ZNRF3: variants seen among roughly 807,000 people sequenced by gnomAD.
The protein encoded by ZNRF3 is zinc and ring finger 3.
A neutral mutation model predicts 72.5 loss-of-function variants in ZNRF3; 23 were observed. The ratio of observed to expected loss-of-function variants is 0.32; its 90% CI spans 0.23 to 0.45. ZNRF3 has a LOEUF of 0.45. Ranked by LOEUF, ZNRF3 falls within the 20% of genes least tolerant of loss-of-function variation. The pLI is 1.00. For synonymous variants in ZNRF3, 610 were observed against 545.3 expected (o/e 1.12, Z -1.65); for missense variants, 1,169 against 1,272.1 (o/e 0.92, Z 1.23).
intron 1 of ZNRF3, among the ~76,000 whole-genome samples, chr22:28,925,937 C>T (rs925235284): frequency 6.6e-5 from 10 of 152,196 alleles, no homozygotes; most frequent in African/African-American, 2.4e-4. Flanking sequence ...CTCTCCCTAT[C>T]TACTGCCTCC....
intron 2 of ZNRF3, among the ~76,000 whole-genome samples, chr22:29,019,632 T>A (rs1461469354): frequency 1.3e-5 from 2 of 152,160 alleles, no homozygotes; most frequent in African/African-American, 4.8e-5. Flanking sequence ...GCAATTAACA[T>A]CTTAGTGCCA....
At chr22:29,022,284 A>G (rs184987156) in intron 2 of ZNRF3, among the ~76,000 whole-genome samples, 1 of 152,318 alleles carries the variant, frequency 6.6e-6, no homozygotes, top group Admixed American at 6.5e-5. Flanking sequence ...ACATTAACCA[A>G]CTAATGGCAG....
chr22:28,917,719 A>G (rs1184508321), intron 1 of ZNRF3, among the ~76,000 whole-genome samples: 1 of 152,198 alleles, frequency 6.6e-6, no homozygotes, highest in Non-Finnish European at 1.5e-5. Context: ...TAGGGTCTTT[A>G]TCTTCCCTCA....
At chr22:28,940,556 A>G (rs556501511) in intron 1 of ZNRF3, among the ~76,000 whole-genome samples, 6 of 145,388 alleles carry the variant, frequency 4.1e-5, no homozygotes, top group Non-Finnish European at 7.5e-5. Flanking sequence ...CCAACGATTT[A>G]GAAAACTTAA....
chr22:28,978,365 T>C (rs2035710287), intron 1 of ZNRF3, among the ~76,000 whole-genome samples: 1 of 152,098 alleles, frequency 6.6e-6, no homozygotes, highest in Non-Finnish European at 1.5e-5. Flanking sequence ...TTGCGAAGGG[T>C]GGTGAAAGCT....
intron 4 of ZNRF3, among the ~76,000 whole-genome samples, chr22:29,044,477 CCTTT>C: frequency 6.6e-6 from 1 of 152,232 alleles, no homozygotes. Flanking sequence ...TTTGGAAGGG[CCTTT>C]CTTACCAGTT....
intron 2 of ZNRF3, among the ~76,000 whole-genome samples, chr22:29,028,999 C>T (rs550676246): frequency 2.0e-4 from 31 of 152,322 alleles, no homozygotes; most frequent in Non-Finnish European, 3.8e-4. Context: ...TCTTCTAGGA[C>T]CATCCTCCTG....
At chr22:29,001,014 C>T (rs1290398946) in intron 2 of ZNRF3, among the ~76,000 whole-genome samples, 1 of 149,588 alleles carries the variant, frequency 6.7e-6, no homozygotes, top group Admixed American at 6.7e-5. Flanking sequence ...TGGTCACCAA[C>T]TCCTGGCCTC....
intron 1 of ZNRF3, among the ~76,000 whole-genome samples, chr22:28,940,042 A>G (rs929314700): frequency 6.6e-6 from 1 of 152,130 alleles, no homozygotes; most frequent in Non-Finnish European, 1.5e-5. Flanking sequence ...TTTTCCCCCA[A>G]CTTAGAAAAG....
At chr22:28,968,510 G>A (rs1037038241) in intron 1 of ZNRF3, among the ~76,000 whole-genome samples, 1 of 152,146 alleles carries the variant, frequency 6.6e-6, no homozygotes, top group African/African-American at 2.4e-5. Flanking sequence ...AGGAGTTCAA[G>A]ACCAGTCTGG....
At chr22:29,038,087 G>T (rs2036896297) in intron 2 of ZNRF3, among the ~76,000 whole-genome samples, 1 of 152,234 alleles carries the variant, frequency 6.6e-6, no homozygotes. Flanking sequence ...CTTTGAAAGG[G>T]CCCCAGCTTC....
At chr22:28,949,035 A>G (rs1384905124) in intron 1 of ZNRF3, among the ~76,000 whole-genome samples, 1 of 152,186 alleles carries the variant, frequency 6.6e-6, no homozygotes, top group African/African-American at 2.4e-5. Flanking sequence ...GCTGGAGTGC[A>G]ATGGCGTGAT....
intron 2 of ZNRF3, among the ~76,000 whole-genome samples, chr22:28,995,709 A>T (rs2036035195): frequency 6.6e-6 from 1 of 152,068 alleles, no homozygotes; most frequent in Admixed American, 6.5e-5. Flanking sequence ...GCAGTTCTCA[A>T]AGTGTGGCTG....
chr22:28,947,752 G>A (rs1314013082), intron 1 of ZNRF3, among the ~76,000 whole-genome samples: 1 of 152,206 alleles, frequency 6.6e-6, no homozygotes, highest in African/African-American at 2.4e-5. Context: ...CACTTTTAAA[G>A]TGTTGGATCA....
At chr22:29,028,868 C>G (rs1354871599) in intron 2 of ZNRF3, among the ~76,000 whole-genome samples, 1 of 152,234 alleles carries the variant, frequency 6.6e-6, no homozygotes, top group African/African-American at 2.4e-5. Flanking sequence ...TAAGGCCCCT[C>G]TTTTAAACCT....
intron 1 of ZNRF3, among the ~76,000 whole-genome samples, chr22:28,885,679 A>G (rs556582098): frequency 4.0e-5 from 6 of 151,836 alleles, no homozygotes; most frequent in South Asian, 2.1e-4. Flanking sequence ...TTTATCTGCA[A>G]TGTTTTAACG....
intron 1 of ZNRF3, among the ~76,000 whole-genome samples, chr22:28,903,174 C>T (rs189587377): frequency 6.6e-6 from 1 of 152,314 alleles, no homozygotes; most frequent in African/African-American, 2.4e-5. Flanking sequence ...CTGCTTATCC[C>T]TACTCTCTAC....
At chr22:28,950,901 G>T (rs953161373) in intron 1 of ZNRF3, among the ~76,000 whole-genome samples, 3 of 152,180 alleles carry the variant, frequency 2.0e-5, no homozygotes, top group African/African-American at 7.2e-5. Context: ...TTTATATCTT[G>T]CCAAACTCTG....
At chr22:28,898,477 A>G (rs933282336) in intron 1 of ZNRF3, among the ~76,000 whole-genome samples, 2 of 152,228 alleles carry the variant, frequency 1.3e-5, no homozygotes, top group African/African-American at 4.8e-5. Flanking sequence ...CATTGTTCAG[A>G]ACATGCTGGA....
Sources: gnomAD v4.1 joint callset for allele counts (sites outside exome capture counted in the v4.1 genomes callset) on GRCh38, gnomAD v4.1.1 for gene constraint, MANE v1.5 for transcripts, NCBI Gene and HGNC (gene_info 2026-07-23, HGNC 2026-07-21) for gene names.